The following LIPM variants were observed in gnomAD, a reference collection of about 807,000 sequenced individuals.
LIPM encodes lipase family member M, also known as lipase member M.
Under a neutral mutation model 42.4 loss-of-function variants are expected in LIPM, and 42 were observed. The observed-to-expected ratio is 0.99, with a 90% CI of 0.77 to 1.28. The LOEUF is 1.28. LIPM is among the 50% of genes most tolerant of loss of function. The probability of loss-of-function intolerance (pLI) is 0.00; values close to 1 mark genes in which losing one functional copy is unlikely to be tolerated. For missense variants in LIPM, 524 were observed against 520.1 expected (o/e 1.01, Z -0.07); for synonymous variants, 177 against 173.3 (o/e 1.02, Z -0.17).
In LIPM at chr10:88,813,077, G is replaced by C. The variant is rs781713660; in HGVS notation, c.266-20G>C. The C allele has an allele frequency of 1.6e-5, 25 of 1,554,928 alleles. No homozygotes were observed. Among genetic ancestry groups the C allele is most frequent in the Non-Finnish European group, 2.2e-5 (25 of 1,146,972 alleles). The stretch of plus-strand genomic sequence containing the variant: ...AAGGGAGAGAACATTTCATACAGTT[G>C]AAATTTTCTCTTTTTGCAGGTTCCA... On this transcript the variant is annotated intron_variant, in intron 2 of 8. Coordinates refer to ENST00000404743, the MANE Select transcript of LIPM (RefSeq NM_001128215.1).
chr10:88,809,818 T>C (rs1843632632), intron 2 of LIPM, among the ~76,000 whole-genome samples: 1 of 152,198 alleles, frequency 6.6e-6, no homozygotes, highest in Admixed American at 6.5e-5. Flanking sequence ...AGCTGCGCCT[T>C]ATACATGTCT....
rs144533633 is a variant in LIPM, at chr10:88,810,455, C to T, written c.265+2040C>T. ...TTGTTCCAGTCCGTGCAGAATACTT[C>T]CCTCTAGTGGCCAATGTTGTTGGCA... On this transcript the variant is annotated intron_variant, in intron 2 of 8. Transcript: ENST00000404743. 6.6e-5 allele frequency among the ~76,000 whole-genome samples: 10 copies of T among 151,978 alleles called. No homozygotes were observed. In the East Asian group the frequency reaches 1.9e-3, roughly 29 times the overall value.
chr10:88,816,812 A>T lies in LIPM; in HGVS notation c.859-4A>T. ...TCCCCCAGAATACTCATGGTTTGTT[A>T]CAGAGCCGAGCAAGTGTATATGCTG... is the stretch of plus-strand genomic sequence containing the variant. On this transcript the variant is annotated splice_region_variant and splice_polypyrimidine_tract_variant and intron_variant, in intron 6 of 8. Transcript: ENST00000404743. 1 of 1,549,914 alleles carries T rather than the reference A, an allele frequency of 6.5e-7. No homozygotes were observed. Among genetic ancestry groups the T allele is most frequent in the Non-Finnish European group, 8.7e-7 (1 of 1,145,426 alleles).
At chr10:88,815,563 C>G in intron 6 of LIPM, 60 bp downstream of exon 6, 1 of 1,479,684 alleles carries the variant, frequency 6.8e-7, no homozygotes, top group Non-Finnish European at 9.2e-7. Flanking sequence ...TCATATGGCT[C>G]ACCCCTGGAG....
In LIPM at chr10:88,815,424, G is replaced by T; in HGVS notation, c.779G>T (p.Cys260Phe). 1 of 1,551,448 alleles carries T rather than the reference G, an allele frequency of 6.4e-7. No homozygotes were observed. Among genetic ancestry groups the T allele is most frequent in the Non-Finnish European group, 8.7e-7 (1 of 1,146,880 alleles). Residue 260 changes from cysteine (C) to phenylalanine (F), a missense_variant, in exon 6 of 9, where the codon TGT (cysteine) becomes TTT (phenylalanine). Cys to Phe is a radical substitution (Grantham distance 205). Transcript: ENST00000404743. The part of the protein sequence containing the change: ...RFLRQLVIYL[C>F]GQVILDQICS... The stretch of plus-strand genomic sequence containing the variant: ...CTCAGACAACTTGTTATTTACCTTT[G>T]TGGCCAGGTGATTCTTGATCAGATT...
intron 3 of LIPM, among the ~76,000 whole-genome samples, chr10:88,814,112 T>C (rs1046037703): frequency 2.0e-5 from 3 of 152,228 alleles, no homozygotes; most frequent in African/African-American, 7.2e-5. Context: ...AACTCTTTTA[T>C]TTAAATTACC....
chr10:88,817,707 C>T, intron 7 of LIPM, 118 bp from the exon 8 acceptor site: 1 of 649,242 alleles, frequency 1.5e-6, no homozygotes, highest in Non-Finnish European at 2.8e-6. Flanking sequence ...GGAAGAGCAG[C>T]TCAACCATTG....
intron 8 of LIPM, among the ~76,000 whole-genome samples, chr10:88,819,468 T>C (rs951007374): frequency 7.2e-5 from 11 of 152,216 alleles, no homozygotes; most frequent in Admixed American, 5.9e-4. Flanking sequence ...GCATCTAGGA[T>C]TGGAGCCAAG....
At position 88,806,985 on chromosome 10, in the gene LIPM, G is replaced by A. The variant is rs565798409; in HGVS notation, c.148-1313G>A. On this transcript the variant is annotated intron_variant, in intron 1 of 8. Transcript: ENST00000404743. ...ATTACAGGTGTGAGCCACTGTGCCC[G>A]GCCTATACATTTTTTTAAGGTTAAG... Among the ~76,000 whole-genome samples the A allele has an allele frequency of 1.1e-3, 166 of 151,350 alleles. 2 individuals are homozygous for A. In the South Asian group the frequency reaches 0.014, roughly 13 times the overall value.
chr10:88,812,272 T>G (rs1320906211), intron 2 of LIPM, among the ~76,000 whole-genome samples: 1 of 152,218 alleles, frequency 6.6e-6, no homozygotes, highest in East Asian at 1.9e-4. Context: ...GATAATAACT[T>G]TAATGACTTC....
At position 88,806,135 on chromosome 10, in the gene LIPM, TC is replaced by T. The variant is rs567291029; in HGVS notation, c.148-2161del. The T allele has an allele frequency of 2.0e-4, 75 of 367,362 alleles. No individual in the cohort carries two copies. In the East Asian group the frequency reaches 6.1e-3, roughly 30 times the overall value. The allele number at this position is 367,362 out of a possible 1,614,324, so 22.8% of individuals were successfully genotyped here. A position where few individuals can be genotyped will look rare whatever the true frequency, so the allele number is the denominator to read the frequency against. On this transcript the variant is annotated intron_variant, in intron 1 of 8. Transcript: ENST00000404743. Reference sequence around the variant, plus strand: ...CAGCACTTCCAGTGGATGGGACCAGTCCTTTATTGCCTGCATAAATTTTCCT... The same window carrying T: ...CAGCACTTCCAGTGGATGGGACCAGTCTTTATTGCCTGCATAAATTTTCCT...
chr10:88,803,002 A>G lies in LIPM; in HGVS notation c.106A>G (p.Met36Val). ...MFQRNVNSVH[M>V]PTKAVDPEAF... ...CCAGAGAAATGTGAATTCAGTACAT[A>G]TGCCAACTAAAGCTGTGGACCCAGA... Residue 36 changes from methionine (M) to valine (V), a missense_variant, in exon 1 of 9, where the codon ATG becomes GTG. Met to Val is a conservative substitution (Grantham distance 21). Coordinates refer to ENST00000404743, the MANE Select transcript of LIPM (RefSeq NM_001128215.1). The G allele has an allele frequency of 6.4e-7, 1 of 1,551,348 alleles. No individual in the cohort carries two copies. Among genetic ancestry groups the G allele is most frequent in the Non-Finnish European group, 8.7e-7 (1 of 1,146,698 alleles).
intron 2 of LIPM, among the ~76,000 whole-genome samples, chr10:88,809,520 T>C (rs905917787): frequency 6.6e-6 from 1 of 152,212 alleles, no homozygotes; most frequent in African/African-American, 2.4e-5. Context: ...GTGCTTTATT[T>C]GTATTAGTCT....
At position 88,816,865 on chromosome 10, in the gene LIPM, A is replaced by G; in HGVS notation, c.908A>G (p.Gln303Arg). Reference protein sequence around the residue: ...AAHTLAGTSVQNILHWSQAVN... With the variant: ...AAHTLAGTSVRNILHWSQAVN... ...CACACTCTTGCTGGAACATCTGTGC[A>G]AAATATTCTACACTGGAGCCAGGTA... Residue 303 changes from glutamine to arginine, a missense_variant, in exon 7 of 9, where the codon CAA becomes CGA. Transcript: ENST00000404743. 1 of 1,551,510 alleles carries G rather than the reference A, an allele frequency of 6.4e-7. No homozygotes were observed. Among genetic ancestry groups the G allele is most frequent in the Non-Finnish European group, 8.7e-7 (1 of 1,146,810 alleles).
At chr10:88,811,371 T>C (rs1843654581) in intron 2 of LIPM, among the ~76,000 whole-genome samples, 1 of 152,134 alleles carries the variant, frequency 6.6e-6, no homozygotes, top group East Asian at 1.9e-4. Context: ...AATAAGGCTG[T>C]TTTTTACTGC....
rs529133878 is a variant in LIPM at position 88,816,904 on chromosome 10, T to C, written c.930+17T>C. 5.2e-6 allele frequency: 8 copies of C among 1,537,712 alleles called. No individual in the cohort carries two copies. The South Asian group carries it at 9.5e-5, about 18-fold the overall frequency. On this transcript the variant is annotated intron_variant, in intron 7 of 8. Transcript: ENST00000404743. ...TGGAGCCAGGTAAGAATGTTGAATT[T>C]GCAGTCTTTGCTAAATGTCCTGTTA...
At chr10:88,816,738 C>G in intron 6 of LIPM, 78 bp from the exon 7 acceptor site, 1 of 887,190 alleles carries the variant, frequency 1.1e-6, no homozygotes, top group South Asian at 1.5e-5. Flanking sequence ...AGTCTGACAC[C>G]CTGGAGATTT....
chr10:88,814,840 T>C (rs1843698790), intron 4 of LIPM, among the ~76,000 whole-genome samples: 1 of 152,200 alleles, frequency 6.6e-6, no homozygotes. Flanking sequence ...TGTCTAGATA[T>C]AGCATATCTC....
chr10:88,803,836 T>C (rs303537), intron 1 of LIPM, among the ~76,000 whole-genome samples: 121,026 of 152,084 alleles, frequency 0.8, 49,178 homozygotes, highest in East Asian at 1. Flanking sequence ...AACAAGGCCA[T>C]ACCAATGTAA....
Sources: allele counts gnomAD v4.1 joint callset (sites outside exome capture counted in the v4.1 genomes callset), GRCh38; gene constraint gnomAD v4.1.1; transcripts MANE v1.5; gene names NCBI Gene and HGNC (gene_info 2026-07-23, HGNC 2026-07-21).